SDK1: variants seen among roughly 807,000 people sequenced by gnomAD.
SDK1 encodes sidekick cell adhesion molecule 1, also known as protein sidekick-1.
A neutral mutation model predicts 245.5 loss-of-function variants in SDK1; 157 were observed. The ratio of observed to expected loss-of-function variants is 0.64; its 90% confidence interval spans 0.56 to 0.73. The LOEUF (loss-of-function observed/expected upper bound fraction) is 0.73. Among genes scored for constraint, SDK1 ranks in the 30% least tolerant of loss-of-function variants. The pLI is 0.00. For synonymous variants in SDK1, 1,647 were observed against 1,278.5 expected, an observed-to-expected ratio of 1.29 and a Z score of -6.15; for missense variants, 3,583 against 3,002.3, an observed-to-expected ratio of 1.19 and a Z score of -4.52.
intron 1 of SDK1, among the ~76,000 whole-genome samples, chr7:3,490,855 C>T (rs1451473654): frequency 3.9e-5 from 6 of 152,274 alleles, no homozygotes; most frequent in African/African-American, 1.4e-4. Context: ...CTTGGGTGTT[C>T]TTGGAACTCT....
At position 3,479,843 on chromosome 7, in the gene SDK1, C is replaced by G. The variant is rs148852237; in HGVS notation, c.299-139237C>G. Among the ~76,000 whole-genome samples the G allele has an allele frequency of 9.2e-4, 136 of 148,256 alleles. 3 individuals are homozygous for G. In the East Asian group the frequency reaches 0.023, roughly 25 times the overall value. ...TGCCACTGCACTCTGGCTTGGGCAT[C>G]AGAGCGAGAGTCCATCTCAAAAAAA... On this transcript the variant is annotated intron_variant, in intron 1 of 44. Coordinates refer to ENST00000404826, the MANE Select transcript of SDK1 (RefSeq NM_152744.4).
chr7:3,658,609 C>CTTTTT (rs71029690), intron 4 of SDK1, among the ~76,000 whole-genome samples: 4 of 101,972 alleles, frequency 3.9e-5, no homozygotes, highest in Non-Finnish European at 5.8e-5. Context: ...CTACTATCTT[C>CTTTTT]TTTTTTTTTT....
At chr7:3,683,866 C>G (rs1784192240) in intron 4 of SDK1, among the ~76,000 whole-genome samples, 3 of 152,210 alleles carry the variant, frequency 2.0e-5, no homozygotes, top group Admixed American at 2.0e-4. Flanking sequence ...AGTCCTGTTT[C>G]CTCCAGGCAT....
intron 5 of SDK1, among the ~76,000 whole-genome samples, chr7:3,892,652 CAAG>C (rs1781489231): frequency 1.3e-5 from 2 of 152,212 alleles, no homozygotes. Flanking sequence ...TGCCTCAAAT[CAAG>C]AACAGCCATA....
intron 1 of SDK1, among the ~76,000 whole-genome samples, chr7:3,559,123 G>A (rs1779673353): frequency 6.6e-6 from 1 of 152,140 alleles, no homozygotes; most frequent in Admixed American, 6.5e-5. Context: ...AGCCATTAGT[G>A]TGTAAGTCAG....
intron 14 of SDK1, among the ~76,000 whole-genome samples, chr7:3,999,283 T>C (rs1324084185): frequency 6.6e-6 from 1 of 152,152 alleles, no homozygotes; most frequent in South Asian, 2.1e-4. Flanking sequence ...GTCTGCAAAT[T>C]GCGCATCCAC....
rs1200733964 is a variant in SDK1, at chr7:4,264,434, G to A, written c.6382-690G>A. Among the ~76,000 whole-genome samples the A allele has an allele frequency of 1.9e-3, 221 of 116,638 alleles. 8 individuals are homozygous for A. The highest frequency in any genetic ancestry group is 4.5e-3 in the Middle Eastern group (1 of 224). 76.5% of individuals were successfully genotyped at this position (116,638 alleles called of 152,430 possible). A position where few individuals can be genotyped will look rare whatever the true frequency, so the allele number is the denominator to read the frequency against. On this transcript the variant is annotated intron_variant, in intron 44 of 44. Transcript: ENST00000404826. Reference sequence around the variant, plus strand: ...GGAAGGCCGCGTGGACCTCTCCTGGGGTAAGGAAGGCCGCGTGGACCTCTC... The same window carrying A: ...GGAAGGCCGCGTGGACCTCTCCTGGAGTAAGGAAGGCCGCGTGGACCTCTC...
chr7:3,365,933 G>T (rs1377768484), intron 1 of SDK1, among the ~76,000 whole-genome samples: 1 of 152,078 alleles, frequency 6.6e-6, no homozygotes, highest in Non-Finnish European at 1.5e-5. Context: ...CAGCCACTTG[G>T]GAGGCTGAGG....
At chr7:4,105,400 T>C (rs1344266440) in intron 22 of SDK1, among the ~76,000 whole-genome samples, 1 of 150,028 alleles carries the variant, frequency 6.7e-6, no homozygotes, top group Non-Finnish European at 1.5e-5. Flanking sequence ...TCCACCCCCC[T>C]GGTTCAAGCG....
chr7:3,492,772 G>A (rs891077171), intron 1 of SDK1, among the ~76,000 whole-genome samples: 1 of 152,130 alleles, frequency 6.6e-6, no homozygotes, highest in Admixed American at 6.5e-5. Flanking sequence ...TGGCAATAAT[G>A]GCAAACAGAA....
chr7:3,370,408 TG>T (rs997175443), intron 1 of SDK1, among the ~76,000 whole-genome samples: 2 of 152,154 alleles, frequency 1.3e-5, no homozygotes, highest in Non-Finnish European at 2.9e-5. Flanking sequence ...GACTTCACAG[TG>T]GTGTGAAAAA....
intron 5 of SDK1, among the ~76,000 whole-genome samples, chr7:3,933,640 A>G (rs1261332742): frequency 6.6e-6 from 1 of 152,204 alleles, no homozygotes; most frequent in Non-Finnish European, 1.5e-5. Flanking sequence ...ATCTAAAAGC[A>G]TGGCAGAGGA....
intron 38 of SDK1, among the ~76,000 whole-genome samples, chr7:4,217,410 AGGCCACC>A: frequency 7.0e-6 from 1 of 142,526 alleles, no homozygotes; most frequent in African/African-American, 2.7e-5. Context: ...CCGGAGCACC[AGGCCACC>A]CGGAGCACCA....
At chr7:3,671,006 TA>T (rs1467156043) in intron 4 of SDK1, among the ~76,000 whole-genome samples, 4 of 152,212 alleles carry the variant, frequency 2.6e-5, no homozygotes, top group African/African-American at 9.7e-5. Flanking sequence ...CGATTACAGT[TA>T]AAACAGTTCA....
chr7:3,523,942 C>G (rs1783030170), intron 1 of SDK1, among the ~76,000 whole-genome samples: 1 of 152,132 alleles, frequency 6.6e-6, no homozygotes, highest in Admixed American at 6.5e-5. Flanking sequence ...GACTTGATGT[C>G]TGTACATTCT....
At chr7:3,898,089 C>G (rs944907855) in intron 5 of SDK1, among the ~76,000 whole-genome samples, 1 of 152,152 alleles carries the variant, frequency 6.6e-6, no homozygotes, top group South Asian at 2.1e-4. Flanking sequence ...ACTCATATTC[C>G]AGGGGCAGAG....
At chr7:3,894,715 T>TC (rs202073221) in intron 5 of SDK1, among the ~76,000 whole-genome samples, 1,889 of 150,918 alleles carry the variant, frequency 0.013, 43 homozygotes, top group African/African-American at 0.044. Context: ...TTTTTTTTTT[T>TC]TGAGACGGAG....
chr7:3,941,220 C>G (rs567820977), intron 5 of SDK1, among the ~76,000 whole-genome samples: 2 of 152,260 alleles, frequency 1.3e-5, no homozygotes, highest in African/African-American at 4.8e-5. Context: ...CGTCTTTCTT[C>G]CTCCTCTTAG....
chr7:3,441,883 A>G (rs1200619808), intron 1 of SDK1, among the ~76,000 whole-genome samples: 4 of 152,212 alleles, frequency 2.6e-5, no homozygotes, highest in African/African-American at 4.8e-5. Flanking sequence ...TTGAAATTAC[A>G]TTAAGCAGAA....
Sources: gnomAD v4.1 joint callset for allele counts (sites outside exome capture counted in the v4.1 genomes callset) on GRCh38, gnomAD v4.1.1 for gene constraint, MANE v1.5 for transcripts, NCBI Gene and HGNC (gene_info 2026-07-23, HGNC 2026-07-21) for gene names.